The following CEP112 variants were observed in gnomAD, a reference collection of about 807,000 sequenced individuals.
The protein encoded by CEP112 is centrosomal protein 112.
CEP112 carries 127 observed loss-of-function variants against 153.0 expected under a neutral mutation model. That is an observed-to-expected ratio of 0.83 (90% CI 0.72 to 0.96). CEP112 has a LOEUF of 0.96. Among genes scored for constraint, CEP112 ranks in the 40% least tolerant of loss-of-function variants. The probability of loss-of-function intolerance (pLI) is 0.00; values close to 1 mark genes in which losing one functional copy is unlikely to be tolerated. For synonymous variants in CEP112, 358 were observed against 374.4 expected (o/e 0.96, Z 0.51); for missense variants, 1,089 against 1,101.2 (o/e 0.99, Z 0.16).
At chr17:65,996,469 A>G (rs1195453037) in intron 17 of CEP112, among the ~76,000 whole-genome samples, 2 of 152,210 alleles carry the variant, frequency 1.3e-5, no homozygotes, top group Non-Finnish European at 1.5e-5. Flanking sequence ...TTATTTGTCG[A>G]AGTTTATTAA....
Position 65,717,582 on chromosome 17 carries a change from C to T in CEP112, c.2607+25486G>A, listed in dbSNP as rs530199991. 7.2e-5 allele frequency among the ~76,000 whole-genome samples: 11 copies of T among 152,276 alleles called. No homozygotes were observed. The South Asian group carries it at 2.1e-3, about 29-fold the overall frequency. ...GCTTAACCAAAAGGCAGATATTTGA[C>T]ACTTGAACACGAAGTTCAGTGTCCA... On this transcript the variant is annotated intron_variant, in intron 23 of 26. Transcript: ENST00000535342.
intron 6 of CEP112, among the ~76,000 whole-genome samples, chr17:66,108,411 T>G (rs1160529889): frequency 6.6e-6 from 1 of 151,804 alleles, no homozygotes; most frequent in South Asian, 2.1e-4. Context: ...CAAACAACTC[T>G]ATAGGAAAAA....
chr17:66,143,107 G>T (rs530792272), intron 4 of CEP112, among the ~76,000 whole-genome samples: 1 of 152,022 alleles, frequency 6.6e-6, no homozygotes, highest in Non-Finnish European at 1.5e-5. Flanking sequence ...GTTGCCAAAT[G>T]GATTATTTTA....
At chr17:65,901,480 G>C (rs1201482041) in intron 20 of CEP112, among the ~76,000 whole-genome samples, 1 of 152,004 alleles carries the variant, frequency 6.6e-6, no homozygotes, top group East Asian at 1.9e-4. Context: ...AATTTATAAA[G>C]ATAATTTTCC....
At chr17:65,918,843 TTGGCTAAGA>T (rs1163380819) in intron 19 of CEP112, among the ~76,000 whole-genome samples, 1 of 152,232 alleles carries the variant, frequency 6.6e-6, no homozygotes, top group Non-Finnish European at 1.5e-5. Context: ...TGCCTGGATT[TTGGCTAAGA>T]TACTTTAAAA....
At position 65,767,688 on chromosome 17, in the gene CEP112, A is replaced by G. The variant is rs192028378; in HGVS notation, c.2395-16964T>C. Among the ~76,000 whole-genome samples the G allele has an allele frequency of 6.0e-4, 92 of 152,208 alleles. 1 individual carries two copies. In the East Asian group the frequency reaches 0.018, roughly 29 times the overall value. ...TATATAAACTCAGATATGAAAGTGG[A>G]GACATTACAAAAGATGTTCTCAGAA... is the stretch of plus-strand genomic sequence containing the variant. On this transcript the variant is annotated intron_variant, in intron 21 of 26. Coordinates refer to ENST00000535342, the MANE Select transcript of CEP112 (RefSeq NM_001199165.4).
chr17:65,645,809 G>C (rs1053440870), intron 24 of CEP112, among the ~76,000 whole-genome samples: 3 of 152,118 alleles, frequency 2.0e-5, no homozygotes, highest in Non-Finnish European at 4.4e-5. Context: ...AAGATCATAT[G>C]CTAGTTCCTT....
rs188299184 is a variant in CEP112 at position 65,999,493 on chromosome 17, G to A, written c.1736+6197C>T. 3.3e-5 allele frequency among the ~76,000 whole-genome samples: 5 copies of A among 151,936 alleles called. No homozygotes were observed. In the East Asian group the frequency reaches 7.7e-4, roughly 23 times the overall value. ...TGGGATTACAAGCGTGAGCCACCAC[G>A]CCCGGCCAGAAATTACTAAATTATT... On this transcript the variant is annotated intron_variant, in intron 17 of 26. Coordinates refer to ENST00000535342, the MANE Select transcript of CEP112 (RefSeq NM_001199165.4).
chr17:65,815,050 T>C (rs1424299919), intron 21 of CEP112, among the ~76,000 whole-genome samples: 1 of 152,130 alleles, frequency 6.6e-6, no homozygotes, highest in East Asian at 1.9e-4. Context: ...AATTTATCAA[T>C]TTTTTCTTCC....
At chr17:65,904,012 G>A (rs1477522129) in intron 19 of CEP112, among the ~76,000 whole-genome samples, 2 of 152,116 alleles carry the variant, frequency 1.3e-5, no homozygotes, top group African/African-American at 2.4e-5. Flanking sequence ...ATATCATACT[G>A]AATGGGCAAA....
At chr17:65,774,954 G>C (rs2053590964) in intron 21 of CEP112, among the ~76,000 whole-genome samples, 1 of 152,126 alleles carries the variant, frequency 6.6e-6, no homozygotes, top group Non-Finnish European at 1.5e-5. Context: ...TCACGAAGGA[G>C]ACATGCAGGA....
intron 4 of CEP112, among the ~76,000 whole-genome samples, chr17:66,148,343 T>C (rs2071012084): frequency 6.6e-6 from 1 of 152,126 alleles, no homozygotes; most frequent in Admixed American, 6.5e-5. Context: ...AAGATTTGGG[T>C]GGGGATACAG....
chr17:66,099,546 C>T (rs1198645759), intron 6 of CEP112, among the ~76,000 whole-genome samples: 1 of 150,096 alleles, frequency 6.7e-6, no homozygotes, highest in East Asian at 2.0e-4. Flanking sequence ...ACAAGCCAGG[C>T]TGACAACCAC....
intron 4 of CEP112, among the ~76,000 whole-genome samples, chr17:66,149,845 G>C (rs1247384852): frequency 9.1e-6 from 1 of 109,752 alleles, no homozygotes; most frequent in Non-Finnish European, 1.9e-5. Flanking sequence ...TCTTTTTCTA[G>C]TTCCTTAAGG....
chr17:66,053,945 GA>G, intron 11 of CEP112, 66 bp from the exon 12 acceptor site: 1 of 1,342,238 alleles, frequency 7.5e-7, no homozygotes. Flanking sequence ...TAATTCAGCG[GA>G]AAAAATGGTT....
intron 17 of CEP112, among the ~76,000 whole-genome samples, chr17:65,970,966 G>T (rs902205679): frequency 2.6e-5 from 4 of 151,094 alleles, no homozygotes; most frequent in African/African-American, 7.4e-5. Flanking sequence ...ATTACATGTT[G>T]GCCAGGCTGA....
At chr17:65,724,069 C>T (rs2050043097) in intron 23 of CEP112, among the ~76,000 whole-genome samples, 1 of 151,930 alleles carries the variant, frequency 6.6e-6, no homozygotes, top group Admixed American at 6.6e-5. Context: ...GGGGGTTGTT[C>T]TTTTTTTTAA....
chr17:66,187,157 T>A (rs982893299), intron 1 of CEP112, among the ~76,000 whole-genome samples: 10 of 149,014 alleles, frequency 6.7e-5, no homozygotes, highest in Admixed American at 6.0e-4. Context: ...TAACTTGAAC[T>A]ACTGTGGCAG....
chr17:65,733,244 A>G (rs2050614975), intron 23 of CEP112, among the ~76,000 whole-genome samples: 1 of 151,864 alleles, frequency 6.6e-6, no homozygotes, highest in Non-Finnish European at 1.5e-5. Context: ...TACACACAAC[A>G]CTTATTGTTT....
Sources: gnomAD v4.1 joint callset for allele counts (sites outside exome capture counted in the v4.1 genomes callset) on GRCh38, gnomAD v4.1.1 for gene constraint, MANE v1.5 for transcripts, NCBI Gene and HGNC (gene_info 2026-07-23, HGNC 2026-07-21) for gene names.